GPR160: variants seen among roughly 807,000 people sequenced by gnomAD.
GPR160 encodes the protein probable G protein-coupled receptor 160.
A neutral mutation model predicts 2.6 loss-of-function variants in GPR160; 2 were observed. That is an observed-to-expected ratio of 0.77 (90% confidence interval 0.32 to 2.44). The LOEUF (loss-of-function observed/expected upper bound fraction) is 2.44. Among genes scored for constraint, GPR160 ranks in the 30% most tolerant of loss-of-function variants. The probability of loss-of-function intolerance (pLI) is 0.11; values close to 1 mark genes in which losing one functional copy is unlikely to be tolerated. For synonymous variants in GPR160, 130 were observed against 132.2 expected, an observed-to-expected ratio of 0.98 and a Z score of 0.12; for missense variants, 351 against 383.6, an observed-to-expected ratio of 0.91 and a Z score of 0.71.
Position 170,084,703 on chromosome 3 carries a change from T to G in GPR160, c.731T>G (p.Leu244Arg). The G allele has an allele frequency of 6.2e-7, 1 of 1,612,570 alleles. No homozygotes were observed. Among genetic ancestry groups the G allele is most frequent in the Non-Finnish European group, 8.5e-7 (1 of 1,178,954 alleles). Residue 244 changes from leucine (L) to arginine (R), a missense_variant, in exon 4 of 4, where the codon CTC becomes CGC. Physicochemically the swap from Leu to Arg is moderately radical, Grantham distance 102. Coordinates refer to ENST00000355897, the MANE Select transcript of GPR160 (RefSeq NM_014373.3). Reference sequence around the variant, plus strand: ...TCTAAAAAAATATTCTTATCCAAGCTCATTGTCTGTTTTCTCAGTACCTGG... The same window carrying G: ...TCTAAAAAAATATTCTTATCCAAGCGCATTGTCTGTTTTCTCAGTACCTGG... ...VRSKKIFLSK[L>R]IVCFLSTWLP...
chr3:170,073,813 G>A (rs562934058), intron 2 of GPR160, among the ~76,000 whole-genome samples: 1 of 151,042 alleles, frequency 6.6e-6, no homozygotes, highest in East Asian at 2.0e-4. Context: ...ATCCATCAAT[G>A]AAGACATCTG....
intron 2 of GPR160, among the ~76,000 whole-genome samples, chr3:170,051,742 A>G (rs1167024974): frequency 6.6e-6 from 1 of 152,190 alleles, no homozygotes; most frequent in African/African-American, 2.4e-5. Context: ...AAAAAAATAA[A>G]AAACAAATAA....
intron 3 of GPR160, among the ~76,000 whole-genome samples, chr3:170,080,604 G>GTCC (rs1163912482): frequency 6.6e-6 from 1 of 152,084 alleles, no homozygotes; most frequent in Non-Finnish European, 1.5e-5. Flanking sequence ...CCTCCTCCAG[G>GTCC]TCCTCCTCCT....
chr3:170,059,844 T>TC (rs1443240982), intron 2 of GPR160, among the ~76,000 whole-genome samples: 2 of 151,680 alleles, frequency 1.3e-5, no homozygotes, highest in Non-Finnish European at 2.9e-5. Flanking sequence ...TTCCCCCCAC[T>TC]CCCCCCTCTA....
chr3:170,058,392 G>A (rs539031861), intron 2 of GPR160, among the ~76,000 whole-genome samples: 10 of 152,090 alleles, frequency 6.6e-5, no homozygotes, highest in Admixed American at 2.0e-4. Flanking sequence ...ACGCCCCACC[G>A]GCCATACCTA....
chr3:170,065,849 G>A (rs955615039), intron 2 of GPR160, among the ~76,000 whole-genome samples: 1 of 151,480 alleles, frequency 6.6e-6, no homozygotes, highest in South Asian at 2.1e-4. Flanking sequence ...TTCATAGTAG[G>A]AAAAAAAATG....
At chr3:170,048,964 C>A (rs1185358463) in intron 2 of GPR160, among the ~76,000 whole-genome samples, 1 of 152,178 alleles carries the variant, frequency 6.6e-6, no homozygotes, top group African/African-American at 2.4e-5. Context: ...CCTGAGGCCA[C>A]CACCTTACCA....
At position 170,045,444 on chromosome 3, in the gene GPR160, A is replaced by C. The variant is rs541584964; in HGVS notation, c.-193+6401A>C. Among the ~76,000 whole-genome samples the C allele has an allele frequency of 1.6e-3, 201 of 128,024 alleles. 3 individuals carry two copies. The highest frequency in any genetic ancestry group is 7.8e-3 in the Middle Eastern group (2 of 256). 84.0% of individuals were successfully genotyped at this position (128,024 alleles called of 152,430 possible). On this transcript the variant is annotated intron_variant, in intron 2 of 3. Coordinates refer to ENST00000355897, the MANE Select transcript of GPR160 (RefSeq NM_014373.3). ...AAAAAAAAAAAAAAAAAAAAAAAAAAAAACCAATTAGCCAGGGGTGGTGGC... is the reference window on the plus strand; with the variant it reads ...AAAAAAAAAAAAAAAAAAAAAAAAACAAACCAATTAGCCAGGGGTGGTGGC...
At chr3:170,040,059 C>A (rs945606928) in intron 2 of GPR160, among the ~76,000 whole-genome samples, 1 of 152,188 alleles carries the variant, frequency 6.6e-6, no homozygotes, top group South Asian at 2.1e-4. Flanking sequence ...AGCACTAGGA[C>A]AAATACCTAA....
chr3:170,052,458 A>G (rs1300179896), intron 2 of GPR160, among the ~76,000 whole-genome samples: 1 of 152,174 alleles, frequency 6.6e-6, no homozygotes, highest in African/African-American at 2.4e-5. Context: ...TGTCATTTTA[A>G]TTAGCTTTAT....
At chr3:170,070,042 A>G (rs1352357141) in intron 2 of GPR160, among the ~76,000 whole-genome samples, 1 of 152,074 alleles carries the variant, frequency 6.6e-6, no homozygotes, top group African/African-American at 2.4e-5. Context: ...ATCTCCAAAT[A>G]TAGTCACATT....
intron 2 of GPR160, chr3:170,076,982 G>A (rs1372931937): frequency 6.6e-6 from 1 of 152,134 alleles, no homozygotes; most frequent in Non-Finnish European, 1.5e-5. Flanking sequence ...ACACTTACGA[G>A]TCATGGGACC....
At chr3:170,050,416 T>G (rs1425379204) in intron 2 of GPR160, among the ~76,000 whole-genome samples, 2 of 151,900 alleles carry the variant, frequency 1.3e-5, no homozygotes, top group African/African-American at 4.8e-5. Flanking sequence ...GCTAATTTTT[T>G]TTTTTTTTTG....
At chr3:170,081,405 TTTGA>T (rs745776916) in intron 3 of GPR160, among the ~76,000 whole-genome samples, 10 of 152,232 alleles carry the variant, frequency 6.6e-5, no homozygotes, top group Non-Finnish European at 1.0e-4. Context: ...GAAGTACTTG[TTTGA>T]TTGGGTCTTT....
At chr3:170,040,526 C>CTAGGTCAGCTTTTTT (rs1363637667) in intron 2 of GPR160, among the ~76,000 whole-genome samples, 7 of 152,118 alleles carry the variant, frequency 4.6e-5, no homozygotes, top group Non-Finnish European at 1.0e-4. Context: ...CAGGTGGAGG[C>CTAGGTCAGCTTTTTT]TAGGTCAGCT....
intron 2 of GPR160, among the ~76,000 whole-genome samples, chr3:170,076,578 CT>C (rs1559992080): frequency 6.6e-6 from 1 of 151,664 alleles, no homozygotes; most frequent in Non-Finnish European, 1.5e-5. Flanking sequence ...GTGTCTCACT[CT>C]GTTGCTCAGG....
chr3:170,046,919 G>A (rs753040892), intron 2 of GPR160, among the ~76,000 whole-genome samples: 3 of 152,156 alleles, frequency 2.0e-5, no homozygotes, highest in Non-Finnish European at 4.4e-5. Context: ...ATGCCCTTAA[G>A]TAATTCTGAG....
chr3:170,051,882 A>G (rs994409881), intron 2 of GPR160, among the ~76,000 whole-genome samples: 1 of 152,122 alleles, frequency 6.6e-6, no homozygotes, highest in South Asian at 2.1e-4. Flanking sequence ...TTTTAATCTT[A>G]TATCTAATAA....
intron 2 of GPR160, among the ~76,000 whole-genome samples, chr3:170,045,704 G>A (rs1369681063): frequency 1.8e-4 from 27 of 152,180 alleles, no homozygotes; most frequent in Admixed American, 1.8e-3. Context: ...AGAACTCTGC[G>A]ATTCAGGTTT....
Sources: gnomAD v4.1 joint callset for allele counts (sites outside exome capture counted in the v4.1 genomes callset) on GRCh38, gnomAD v4.1.1 for gene constraint, MANE v1.5 for transcripts, NCBI Gene and HGNC (gene_info 2026-07-23, HGNC 2026-07-21) for gene names.